The following CSNK1D variants were observed in gnomAD, a reference collection of about 807,000 sequenced individuals.
The protein encoded by CSNK1D is casein kinase 1 delta, also known as casein kinase I isoform delta.
Under a neutral mutation model 46.6 loss-of-function variants are expected in CSNK1D, and 16 were observed. The observed-to-expected ratio is 0.34, with a 90% CI of 0.23 to 0.52. CSNK1D has a LOEUF of 0.52. Among genes scored for constraint, CSNK1D ranks in the 20% least tolerant of loss-of-function variants. The pLI is 0.95. For missense variants in CSNK1D, 398 were observed against 578.4 expected, an observed-to-expected ratio of 0.69 and a Z score of 3.20; for synonymous variants, 276 against 228.2, an observed-to-expected ratio of 1.21 and a Z score of -1.89.
In CSNK1D at chr17:82,249,593, G is replaced by A. The variant is rs2050947464; in HGVS notation, c.895C>T (p.Arg299Trp). Residue 299 changes from arginine to tryptophan, a missense_variant, in exon 7 of 9, where the codon CGG becomes TGG. Physicochemically the swap from Arg to Trp is moderately radical, Grantham distance 101. Coordinates refer to ENST00000314028, the MANE Select transcript of CSNK1D (RefSeq NM_001893.6). This position sits in a 1 kb window ranked among gnomAD's most constrained non-coding sequence, Gnocchi z 6.7. The stretch of plus-strand genomic sequence containing the variant: ...TCCCGCTCGGCGTCATCGGCGGCCC[G>A]GCTGGCACCCTGAGGAGGCAGGAGG... ...DWNMLKFGAS[R>W]AADDAERERR... 2.6e-6 allele frequency: 4 copies of A among 1,560,060 alleles called. No homozygotes were observed. Among genetic ancestry groups the A allele is most frequent in the Non-Finnish European group, 2.6e-6 (3 of 1,157,360 alleles).
intron 2 of CSNK1D, among the ~76,000 whole-genome samples, chr17:82,264,255 T>C (rs2051410885): frequency 1.3e-5 from 2 of 152,326 alleles, no homozygotes; most frequent in South Asian, 4.1e-4. Context: ...GCCTTCTCAC[T>C]GGGAGGGCTC....
At chr17:82,263,367 G>C (rs137876951) in intron 2 of CSNK1D, among the ~76,000 whole-genome samples, 1 of 152,338 alleles carries the variant, frequency 6.6e-6, no homozygotes, top group Admixed American at 6.5e-5. Context: ...CAGGATCCTA[G>C]AGAAGGTGCC....
In CSNK1D at chr17:82,247,093, C is replaced by T. The variant is rs1243429248; in HGVS notation, c.1197+1782G>A. On this transcript the variant is annotated intron_variant, in intron 8 of 8. Coordinates refer to ENST00000314028, the MANE Select transcript of CSNK1D (RefSeq NM_001893.6). ...CCTCAACATGCCTCTCAGGAAGGCC[C>T]CCCAGGGTGTCCAGGAGCAGAGGCC... 1.0e-5 allele frequency: 10 copies of T among 985,486 alleles called. No homozygotes were observed. The South Asian group carries it at 3.3e-4, about 32-fold the overall frequency. The allele number at this position is 985,486 out of a possible 1,614,324, so 61.0% of individuals were successfully genotyped here.
At chr17:82,269,997 C>G (rs1477775863) in intron 1 of CSNK1D, among the ~76,000 whole-genome samples, 1 of 152,258 alleles carries the variant, frequency 6.6e-6, no homozygotes, top group African/African-American at 2.4e-5. Flanking sequence ...CGGAGGGCGG[C>G]ACAGGGCCGG....
At position 82,251,259 on chromosome 17, in the gene CSNK1D, TTCACAACCAGAG is replaced by T. The variant is rs1241254049; in HGVS notation, c.885+108_885+119del. 9.6e-5 allele frequency: 121 copies of T among 1,258,080 alleles called. No individual in the cohort carries two copies. The highest frequency in any genetic ancestry group is 1.4e-4 in the Non-Finnish European group (119 of 878,832). The allele number at this position is 1,258,080 out of a possible 1,614,324, so 77.9% of individuals were successfully genotyped here. ...GGTCCTGCCCACTACACACTTGCCC[TTCACAACCAGAG>T]ACACTCCCTATATGGTACAGCCCCT... On this transcript the variant is annotated intron_variant, in intron 6 of 8. Transcript: ENST00000314028. The surrounding 1 kb of genome is among the most constrained non-coding windows in gnomAD (Gnocchi z 4.5).
chr17:82,260,333 A>G (rs565741641), intron 2 of CSNK1D, among the ~76,000 whole-genome samples: 4 of 138,466 alleles, frequency 2.9e-5, no homozygotes, highest in Non-Finnish European at 6.8e-5. Flanking sequence ...GATGTGACTG[A>G]TGGTGTACTG....
chr17:82,239,186 C>A, downstream of CSNK1D: 1 of 476,668 alleles, frequency 2.1e-6, no homozygotes, highest in Non-Finnish European at 3.6e-6. Context: ...GAAGCCAAGC[C>A]GCAAGGTTAC....
Position 82,250,007 on chromosome 17 carries a change from G to T in CSNK1D, c.886-405C>A. On this transcript the variant is annotated intron_variant, in intron 6 of 8. Transcript: ENST00000314028. The surrounding 1 kb of genome is among the most constrained non-coding windows in gnomAD (Gnocchi z 4.6). ...TGGTGACAGCTGGGGAGGAAAGCGGGGTGGGGATGAGAGCGTTTGGTCGGA... is the reference window on the plus strand; with the variant it reads ...TGGTGACAGCTGGGGAGGAAAGCGGTGTGGGGATGAGAGCGTTTGGTCGGA... The T allele has an allele frequency of 8.1e-7, 1 of 1,236,156 alleles. No individual in the cohort carries two copies. Among genetic ancestry groups the T allele is most frequent in the Non-Finnish European group, 1.0e-6 (1 of 963,620 alleles). The allele number at this position is 1,236,156 out of a possible 1,614,324, so 76.6% of individuals were successfully genotyped here.
rs910615271 is a variant in CSNK1D, at chr17:82,255,817, G to C, written c.188-240C>G. ...GGCCAAGCAGACAGGAGCTGTAAGG[G>C]GGACAAGGAGGGGATCGAAGCCCCA... On this transcript the variant is annotated intron_variant, in intron 2 of 8. Transcript: ENST00000314028. The surrounding 1 kb of genome is among the most constrained non-coding windows in gnomAD (Gnocchi z 5.9). Among the ~76,000 whole-genome samples the C allele has an allele frequency of 6.6e-6, 1 of 152,220 alleles. No individual in the cohort carries two copies. The highest frequency in any genetic ancestry group is 2.4e-5 in the African/African-American group (1 of 41,462).
In CSNK1D at chr17:82,243,334, C is replaced by T. The variant is rs555013810; in HGVS notation, c.*1447G>A. ...ATCGTCCATCGTGATGGGGTCCAGCCGAAGTGCCCACGAACACAGACTGCC... is the reference window on the plus strand; with the variant it reads ...ATCGTCCATCGTGATGGGGTCCAGCTGAAGTGCCCACGAACACAGACTGCC... On this transcript the variant is annotated 3_prime_UTR_variant, in exon 9 of 9. Coordinates refer to ENST00000314028, the MANE Select transcript of CSNK1D (RefSeq NM_001893.6). The T allele has an allele frequency of 2.0e-3, 2,007 of 985,544 alleles. 1 individual carries two copies. The highest frequency in any genetic ancestry group is 3.1e-3 in the Middle Eastern group (6 of 1,916). 61.0% of individuals were successfully genotyped at this position (985,544 alleles called of 1,614,324 possible). A position where few individuals can be genotyped will look rare whatever the true frequency, so the allele number is the denominator to read the frequency against.
At chr17:82,265,825 A>T (rs1157253283) in intron 1 of CSNK1D, 29 bp from the exon 2 acceptor site, 1 of 1,545,430 alleles carries the variant, frequency 6.5e-7, no homozygotes, top group Admixed American at 1.7e-5. Flanking sequence ...CCACAACAGG[A>T]ATTACCTGGT....
rs942299294 is a variant in CSNK1D at position 82,255,370 on chromosome 17, C to T, written c.336+59G>A. 8.2e-6 allele frequency: 13 copies of T among 1,585,352 alleles called. No individual in the cohort carries two copies. Among genetic ancestry groups the T allele is most frequent in the African/African-American group, 8.1e-5 (6 of 74,352 alleles). ...ATAATAATGGCAAGAACAGCACAAGCGAGTGGCTGATTCTATCAGACAGCA... is the reference window on the plus strand; with the variant it reads ...ATAATAATGGCAAGAACAGCACAAGTGAGTGGCTGATTCTATCAGACAGCA... On this transcript the variant is annotated intron_variant, in intron 3 of 8. Coordinates refer to ENST00000314028, the MANE Select transcript of CSNK1D (RefSeq NM_001893.6). This position sits in a 1 kb window ranked among gnomAD's most constrained non-coding sequence, Gnocchi z 5.9.
intron 8 of CSNK1D, chr17:82,247,959 G>A: frequency 1.0e-6 from 1 of 985,486 alleles, no homozygotes; most frequent in Non-Finnish European, 1.2e-6. Flanking sequence ...GCATGTTCCT[G>A]GCTAGCCAGC....
At position 82,250,229 on chromosome 17, in the gene CSNK1D, A is replaced by C; in HGVS notation, c.886-627T>G. 1 of 1,289,300 alleles carries C rather than the reference A, an allele frequency of 7.8e-7. No homozygotes were observed. Among genetic ancestry groups the C allele is most frequent in the Non-Finnish European group, 1.0e-6 (1 of 988,362 alleles). 79.9% of individuals were successfully genotyped at this position (1,289,300 alleles called of 1,614,324 possible). On this transcript the variant is annotated intron_variant, in intron 6 of 8. Transcript: ENST00000314028. The surrounding 1 kb of genome is among the most constrained non-coding windows in gnomAD (Gnocchi z 4.6). ...CCAATGCTGTGCGGCAGGGGCCTGC[A>C]AACTACAGCCCCGGGGCCAAACCCA...
chr17:82,261,097 TGTAA>T (rs1251902110), intron 2 of CSNK1D: 2 of 154,914 alleles, frequency 1.3e-5, no homozygotes, highest in African/African-American at 2.4e-5. Context: ...TTTTGTTAGC[TGTAA>T]GTAACAATGT....
Position 82,273,463 on chromosome 17 carries a change from T to A in CSNK1D, c.-82A>T. ...TGGGAGGCGGCGCCGCTGCTGCCGC[T>A]ACTGCGGGTCCGGCTCCCGGCTCCG... On this transcript the variant is annotated 5_prime_UTR_variant, in exon 1 of 9. Coordinates refer to ENST00000314028, the MANE Select transcript of CSNK1D (RefSeq NM_001893.6). This position sits in a 1 kb window ranked among gnomAD's most constrained non-coding sequence, Gnocchi z 5.1. The A allele has an allele frequency of 2.6e-6, 4 of 1,548,410 alleles. No individual in the cohort carries two copies. The highest frequency in any genetic ancestry group is 3.5e-6 in the Non-Finnish European group (4 of 1,137,826).
At chr17:82,272,347 G>GAA (rs796656367) in intron 1 of CSNK1D, 6 of 144,920 alleles carry the variant, frequency 4.1e-5, no homozygotes, top group South Asian at 2.2e-4. Context: ...TCCGTCTCAG[G>GAA]AAAAAAAAAA....
downstream of CSNK1D, among the ~76,000 whole-genome samples, chr17:82,242,370 G>A (rs960543674): frequency 5.3e-5 from 8 of 152,186 alleles, no homozygotes; most frequent in African/African-American, 1.9e-4. Context: ...GCTGGAGTGC[G>A]GCTGCCGGTG....
Position 82,250,402 on chromosome 17 carries a change from G to C in CSNK1D, c.886-800C>G, listed in dbSNP as rs899113031. The C allele has an allele frequency of 4.3e-5, 16 of 371,212 alleles. No individual in the cohort carries two copies. Among genetic ancestry groups the C allele is most frequent in the Non-Finnish European group, 7.9e-5 (15 of 190,006 alleles). The allele number at this position is 371,212 out of a possible 1,614,324, so 23.0% of individuals were successfully genotyped here. A position where few individuals can be genotyped will look rare whatever the true frequency, so the allele number is the denominator to read the frequency against. On this transcript the variant is annotated intron_variant, in intron 6 of 8. Coordinates refer to ENST00000314028, the MANE Select transcript of CSNK1D (RefSeq NM_001893.6). This position sits in a 1 kb window ranked among gnomAD's most constrained non-coding sequence, Gnocchi z 4.6. ...GCCATTTACGGAAAACGCTGGCCTA[G>C]CCTGCTCTGAGGGCCGGGTGACTCT...
Sources: gnomAD v4.1 joint callset for allele counts (sites outside exome capture counted in the v4.1 genomes callset) on GRCh38, gnomAD v4.1.1 for gene constraint, Gnocchi (gnomAD v3.1) non-coding constraint, MANE v1.5 for transcripts, NCBI Gene and HGNC (gene_info 2026-07-23, HGNC 2026-07-21) for gene names.